The following IPO13 variants were observed in gnomAD, a reference collection of about 807,000 sequenced individuals.
The protein encoded by IPO13 is importin 13.
In IPO13, 28 loss-of-function variants were observed where a neutral mutation model predicts 115.5. The observed-to-expected ratio is 0.24, with a 90% CI of 0.18 to 0.33. The LOEUF is 0.33. Among genes scored for constraint, IPO13 ranks in the 10% least tolerant of loss-of-function variants. IPO13 has a pLI of 1.00. For missense variants in IPO13, 785 were observed against 1,204.6 expected (o/e 0.65, Z 5.16); for synonymous variants, 414 against 478.9 (o/e 0.86, Z 1.77).
chr1:43,955,683 C>T (rs541024701), intron 2 of IPO13, among the ~76,000 whole-genome samples: 70 of 152,268 alleles, frequency 4.6e-4, no homozygotes, highest in Non-Finnish European at 8.8e-4. Flanking sequence ...CATCCTACTC[C>T]AGTATAACCT....
rs778373516 is a variant in IPO13, at chr1:43,949,493, T to C, written c.161T>C (p.Val54Ala). 4.3e-6 allele frequency: 7 copies of C among 1,613,908 alleles called. No individual in the cohort carries two copies. In the South Asian group the frequency reaches 7.7e-5, roughly 18 times the overall value. The change falls in exon 2 of 20, where the codon GTC (valine) becomes GCC (alanine). Residue 54 changes from valine to alanine, a missense_variant. Coordinates refer to ENST00000372343, the MANE Select transcript of IPO13 (RefSeq NM_014652.4). ...LAQKWLMQAQ[V>A]SPQAWHFSWQ... ...CAGAAGTGGCTGATGCAGGCCCAGG[T>C]CTCCCCACAGGCCTGGCACTTCAGC...
Position 43,957,416 on chromosome 1 carries a change from C to T in IPO13, c.1407C>T (p.Leu469=), listed in dbSNP as rs1202565138. The change falls in exon 7 of 20, where the codon CTC becomes CTT. Residue 469 remains leucine (L), a synonymous_variant. Coordinates refer to ENST00000372343, the MANE Select transcript of IPO13 (RefSeq NM_014652.4). The part of the protein sequence containing the change: ...EPYSWQHTEA[L]LYGFQSIAET... ...TCTTTCCCCAGCACACAGAGGCCCT[C>T]CTCTACGGCTTCCAATCCATCGCAG... 6.2e-7 allele frequency: 1 copy of T among 1,614,106 alleles called. No individual in the cohort carries two copies. The highest frequency in any genetic ancestry group is 1.3e-5 in the African/African-American group (1 of 74,936).
Position 43,961,253 on chromosome 1 carries a change from T to C in IPO13, c.2335T>C (p.Phe779Leu). The C allele has an allele frequency of 6.2e-7, 1 of 1,613,110 alleles. No homozygotes were observed. Among genetic ancestry groups the C allele is most frequent in the Non-Finnish European group, 8.5e-7 (1 of 1,179,048 alleles). The change falls in exon 14 of 20, where the codon TTC becomes CTC. Residue 779 changes from phenylalanine to leucine, a missense_variant. By Grantham distance (22) the Phe-to-Leu change is conservative. Coordinates refer to ENST00000372343, the MANE Select transcript of IPO13 (RefSeq NM_014652.4). ...CGTCACCTCCGTCACACTCACTCTC[T>C]TCCAGCAAGGTAGGTCCTGACCGGG... ...LLVTSVTLTL[F>L]QQGPRDHPDI...
In IPO13 at chr1:43,966,887, G is replaced by A. The variant is rs368529388; in HGVS notation, c.2524-43G>A. On this transcript the variant is annotated intron_variant, in intron 17 of 19. Transcript: ENST00000372343. This position sits in a 1 kb window ranked among gnomAD's most constrained non-coding sequence, Gnocchi z 4.1. ...TGTACAGGTCTTGTCCTCAGGGAGAGCTGGGAAGGAGCTGGGCTGATGGGC... is the reference window on the plus strand; with the variant it reads ...TGTACAGGTCTTGTCCTCAGGGAGAACTGGGAAGGAGCTGGGCTGATGGGC... The A allele has an allele frequency of 2.5e-6, 4 of 1,609,788 alleles. No homozygotes were observed. Among genetic ancestry groups the A allele is most frequent in the Admixed American group, 3.3e-5 (2 of 59,998 alleles).
At chr1:43,953,026 C>T (rs1476397309) in intron 2 of IPO13, among the ~76,000 whole-genome samples, 1 of 152,148 alleles carries the variant, frequency 6.6e-6, no homozygotes, top group Non-Finnish European at 1.5e-5. Context: ...GTGAGGTGTC[C>T]TTGGATACAC....
At position 43,966,961 on chromosome 1, in the gene IPO13, A is replaced by C. The variant is rs2085330014; in HGVS notation, c.2555A>C (p.Glu852Ala). ...CTGCTGCCTCGGTGTGGGGAAGTAG[A>C]GTCTGTGGGAAAGGTGGTACAGGAA... is the stretch of plus-strand genomic sequence containing the variant. ...TELLPRCGEV[E>A]SVGKVVQEDG... Residue 852 changes from glutamate to alanine, a missense_variant, in exon 18 of 20, where the codon GAG becomes GCG. Physicochemically the swap from Glu to Ala is moderately radical, Grantham distance 107. Coordinates refer to ENST00000372343, the MANE Select transcript of IPO13 (RefSeq NM_014652.4). This position sits in a 1 kb window ranked among gnomAD's most constrained non-coding sequence, Gnocchi z 4.1. 1 of 1,613,582 alleles carries C rather than the reference A, an allele frequency of 6.2e-7. No individual in the cohort carries two copies. The highest frequency in any genetic ancestry group is 1.1e-5 in the South Asian group (1 of 91,080).
Position 43,947,410 on chromosome 1 carries a change from A to G in IPO13, c.-191A>G, listed in dbSNP as rs898887644. 25 of 400,482 alleles carry G rather than the reference A, an allele frequency of 6.2e-5. No homozygotes were observed. The highest frequency in any genetic ancestry group is 1.1e-4 in the Non-Finnish European group (24 of 226,956). 24.8% of individuals were successfully genotyped at this position (400,482 alleles called of 1,614,324 possible). Reference sequence around the variant, plus strand: ...TTCATTGGGTCTCCTAAGAGCACCAATTTTGGTCTCTGGCAAGCCTCCCAC... The same window carrying G: ...TTCATTGGGTCTCCTAAGAGCACCAGTTTTGGTCTCTGGCAAGCCTCCCAC... On this transcript the variant is annotated 5_prime_UTR_variant, in exon 1 of 20. Transcript: ENST00000372343.
At chr1:43,959,016 G>A in intron 11 of IPO13, 127 bp downstream of exon 11, 1 of 926,402 alleles carries the variant, frequency 1.1e-6, no homozygotes, top group Non-Finnish European at 1.6e-6. Flanking sequence ...TGCCCCGTGG[G>A]CGTGATATAT....
chr1:43,961,338 G>C, intron 14 of IPO13, 76 bp downstream of exon 14: 7 of 1,188,848 alleles, frequency 5.9e-6, no homozygotes, highest in Non-Finnish European at 8.8e-6. Flanking sequence ...AGCCAAAGCT[G>C]CCCACTCTGT....
intron 1 of IPO13, among the ~76,000 whole-genome samples, chr1:43,949,213 T>C (rs2154302016): frequency 6.6e-6 from 1 of 152,258 alleles, no homozygotes. Context: ...GAAGAGGATA[T>C]GGTAGAGCAT....
intron 2 of IPO13, among the ~76,000 whole-genome samples, chr1:43,955,177 C>T (rs2085235856): frequency 6.6e-6 from 1 of 152,210 alleles, no homozygotes; most frequent in Non-Finnish European, 1.5e-5. Context: ...TGCCACCACA[C>T]TCCTCAAGAG....
In IPO13 at chr1:43,958,973, C is replaced by T; in HGVS notation, c.2028+84C>T. 7.6e-7 allele frequency: 1 copy of T among 1,321,792 alleles called. No individual in the cohort carries two copies. The highest frequency in any genetic ancestry group is 1.1e-6 in the Non-Finnish European group (1 of 932,716). The allele number at this position is 1,321,792 out of a possible 1,614,324, so 81.9% of individuals were successfully genotyped here. ...CTGTGGGAATGTCATTGTCACTCTT[C>T]AATTCTGTGGGTAATGTTGTCATTG... On this transcript the variant is annotated intron_variant, in intron 11 of 19. Coordinates refer to ENST00000372343, the MANE Select transcript of IPO13 (RefSeq NM_014652.4). This position sits in a 1 kb window ranked among gnomAD's most constrained non-coding sequence, Gnocchi z 6.3.
At position 43,956,702 on chromosome 1, in the gene IPO13, G is replaced by T; in HGVS notation, c.1104+1G>T. On this transcript the variant is annotated splice_donor_variant, in intron 4 of 19. Coordinates refer to ENST00000372343, the MANE Select transcript of IPO13 (RefSeq NM_014652.4). LOFTEE classifies it high-confidence loss of function. The surrounding 1 kb of genome is among the most constrained non-coding windows in gnomAD (Gnocchi z 4.7). ...CCTCACCTTCTGGTACACACTGCAG[G>T]TGTGTCTGTGTGACCTCCAGTAGGA... 6.2e-7 allele frequency: 1 copy of T among 1,614,242 alleles called. No homozygotes were observed. Among genetic ancestry groups the T allele is most frequent in the Non-Finnish European group, 8.5e-7 (1 of 1,180,046 alleles).
At position 43,958,940 on chromosome 1, in the gene IPO13, A is replaced by C; in HGVS notation, c.2028+51A>C. On this transcript the variant is annotated intron_variant, in intron 11 of 19. Coordinates refer to ENST00000372343, the MANE Select transcript of IPO13 (RefSeq NM_014652.4). This position sits in a 1 kb window ranked among gnomAD's most constrained non-coding sequence, Gnocchi z 6.3. ...GACATTTGTCTTTGCCATCCCCCCA[A>C]CCCCCACCTGTGGGAATGTCATTGT... 29 of 1,524,244 alleles carry C rather than the reference A, an allele frequency of 1.9e-5. No individual in the cohort carries two copies. Among genetic ancestry groups the C allele is most frequent in the Non-Finnish European group, 2.5e-5 (28 of 1,104,404 alleles). The allele number at this position is 1,524,244 out of a possible 1,614,324, so 94.4% of individuals were successfully genotyped here. A position where few individuals can be genotyped will look rare whatever the true frequency, so the allele number is the denominator to read the frequency against.
In IPO13 at chr1:43,966,862, T is replaced by G. The variant is rs1571773988; in HGVS notation, c.2524-68T>G. The G allele has an allele frequency of 6.2e-7, 1 of 1,606,342 alleles. No individual in the cohort carries two copies. Among genetic ancestry groups the G allele is most frequent in the Non-Finnish European group, 8.5e-7 (1 of 1,173,368 alleles). ...AGGACTTCAGACAGTAGGGCTGGGG[T>G]GTACAGGTCTTGTCCTCAGGGAGAG... On this transcript the variant is annotated intron_variant, in intron 17 of 19. Coordinates refer to ENST00000372343, the MANE Select transcript of IPO13 (RefSeq NM_014652.4). The surrounding 1 kb of genome is among the most constrained non-coding windows in gnomAD (Gnocchi z 4.1).
Position 43,949,660 on chromosome 1 carries a change from A to G in IPO13, c.328A>G (p.Thr110Ala). ...AAAGGCACAGCTCTTCACCCAGATC[A>G]CCCGCTTTGCCAGTGGCTCCAAGAT... ...SLKAQLFTQI[T>A]RFASGSKIVL... The change falls in exon 2 of 20, where the codon ACC (threonine) becomes GCC (alanine). Residue 110 changes from threonine to alanine, a missense_variant. By Grantham distance (58) the Thr-to-Ala change is moderately conservative. This residue lies in a region of IPO13 where 325 missense variants were observed against 449.8 expected (regional missense o/e 0.72). Coordinates refer to ENST00000372343, the MANE Select transcript of IPO13 (RefSeq NM_014652.4). 1 of 1,614,164 alleles carries G rather than the reference A, an allele frequency of 6.2e-7. No individual in the cohort carries two copies. Among genetic ancestry groups the G allele is most frequent in the Non-Finnish European group, 8.5e-7 (1 of 1,180,034 alleles).
chr1:43,949,514 T>A lies in IPO13; in HGVS notation c.182T>A (p.Phe61Tyr), dbSNP rs1421479594. 2.5e-6 allele frequency: 4 copies of A among 1,614,156 alleles called. No individual in the cohort carries two copies. In the East Asian group the frequency reaches 8.9e-5, roughly 36 times the overall value. ...CAGGTCTCCCCACAGGCCTGGCACT[T>A]CAGCTGGCAGCTACTGCAGCCCGAC... ...QAQVSPQAWH[F>Y]SWQLLQPDKV... The change falls in exon 2 of 20, where the codon TTC (phenylalanine) becomes TAC (tyrosine). Residue 61 changes from phenylalanine (F) to tyrosine (Y), a missense_variant. Phe to Tyr is a conservative substitution (Grantham distance 22). This residue lies in a region of IPO13 where 325 missense variants were observed against 449.8 expected (regional missense o/e 0.72). Transcript: ENST00000372343.
Position 43,958,770 on chromosome 1 carries a change from A to C in IPO13, c.1909A>C (p.Ile637Leu). 1.2e-6 allele frequency: 2 copies of C among 1,614,084 alleles called. No homozygotes were observed. The highest frequency in any genetic ancestry group is 1.7e-6 in the Non-Finnish European group (2 of 1,180,008). The change falls in exon 11 of 20, where the codon ATT (isoleucine) becomes CTT (leucine). Residue 637 changes from isoleucine (I) to leucine (L), a missense_variant. Around this residue, in one of 3 missense-constraint regions of IPO13, gnomAD observed 175 missense variants for 360.0 expected, o/e 0.49. Transcript: ENST00000372343. This position sits in a 1 kb window ranked among gnomAD's most constrained non-coding sequence, Gnocchi z 6.3. ...GCCCAATCCCTCCAACAAGCTGGCC[A>C]TTGTTCACATCTTGGGGCTTCTCTC... ...EIPNPSNKLA[I>L]VHILGLLSNL... is the part of the protein sequence containing the mutation.
At chr1:43,949,393 G>A in intron 1 of IPO13, 24 bp from the exon 2 acceptor site, 2 of 1,563,982 alleles carry the variant, frequency 1.3e-6, no homozygotes, top group Non-Finnish European at 1.7e-6. Context: ...GCCAGCACCT[G>A]CTCAGTCCTG....
Sources: allele counts gnomAD v4.1 joint callset (sites outside exome capture counted in the v4.1 genomes callset), GRCh38; gene constraint gnomAD v4.1.1; regional missense constraint gnomAD v4.1.1; non-coding constraint Gnocchi (gnomAD v3.1); transcripts MANE v1.5; gene names NCBI Gene and HGNC (gene_info 2026-07-23, HGNC 2026-07-21).